The following SPOP variants were observed in gnomAD, a reference collection of about 807,000 sequenced individuals.
SPOP encodes the protein speckle type BTB/POZ protein.
A neutral mutation model predicts 45.6 loss-of-function variants in SPOP; 11 were observed. The observed-to-expected ratio is 0.24, with a 90% CI of 0.15 to 0.40. The LOEUF is 0.40. SPOP is among the 10% of genes least tolerant of loss of function. The pLI, the probability that SPOP is intolerant of heterozygous loss-of-function variation, is 1.00. For missense variants in SPOP, 152 were observed against 465.6 expected (o/e 0.33, Z 6.20); for synonymous variants, 166 against 166.3 (o/e 1.00, Z 0.01).
At chr17:49,641,589 C>T (rs964578184) in intron 1 of SPOP, among the ~76,000 whole-genome samples, 1 of 151,018 alleles carries the variant, frequency 6.6e-6, no homozygotes, top group Non-Finnish European at 1.5e-5. Flanking sequence ...AAAAAAAAAC[C>T]CAGAATGTTT....
At position 49,607,289 on chromosome 17, in the gene SPOP, G is replaced by C. The variant is rs765280957; in HGVS notation, c.798C>G (p.Leu266=). The part of the protein sequence containing the change: ...CFIYTGKAPN[L]DKMADDLLAA... ...CCAGCAAATCATCAGCCATTTTGTC[G>C]AGGTTTGGAGCCTTCCCCGTGTAAA... Residue 266 remains leucine, a synonymous_variant, in exon 8 of 10, where the codon CTC becomes CTG. Transcript: ENST00000504102. 2.2e-5 allele frequency: 35 copies of C among 1,613,848 alleles called. No individual in the cohort carries two copies. The highest frequency in any genetic ancestry group is 3.3e-5 in the Admixed American group (2 of 59,978).
intron 1 of SPOP, among the ~76,000 whole-genome samples, chr17:49,656,001 G>A (rs2072908268): frequency 6.6e-6 from 1 of 151,964 alleles, no homozygotes; most frequent in African/African-American, 2.4e-5. Context: ...TAGTAGAGAC[G>A]GGGTTTCTCC....
intron 1 of SPOP, among the ~76,000 whole-genome samples, chr17:49,655,504 C>G (rs575475612): frequency 6.6e-6 from 1 of 151,668 alleles, no homozygotes; most frequent in East Asian, 1.9e-4. Flanking sequence ...GAGCGAGACT[C>G]CGTCTCCAAA....
In SPOP at chr17:49,618,969, A is replaced by G. The variant is rs762189786; in HGVS notation, c.480+12T>C. On this transcript the variant is annotated intron_variant, in intron 5 of 9. Coordinates refer to ENST00000504102, the MANE Select transcript of SPOP (RefSeq NM_001007228.2). ...TGGGAACTGCTAGTCTCAGCAGAAT[A>G]CAAGGACTCACCTCGCAGAAGAGGG... 13 of 1,611,046 alleles carry G rather than the reference A, an allele frequency of 8.1e-6. No homozygotes were observed. The highest frequency in any genetic ancestry group is 5.1e-6 in the Non-Finnish European group (6 of 1,178,792).
chr17:49,627,050 C>A (rs1272341509), intron 1 of SPOP, among the ~76,000 whole-genome samples: 1 of 152,152 alleles, frequency 6.6e-6, no homozygotes, highest in African/African-American at 2.4e-5. Flanking sequence ...AGGGTTTCAC[C>A]ATGTTAGCCA....
chr17:49,599,492 T>C lies in SPOP; in HGVS notation c.*886A>G. The C allele has an allele frequency of 4.8e-6, 1 of 206,972 alleles. No individual in the cohort carries two copies. Among genetic ancestry groups the C allele is most frequent in the East Asian group, 6.9e-5 (1 of 14,420 alleles). The allele number at this position is 206,972 out of a possible 1,614,324, so 12.8% of individuals were successfully genotyped here. On this transcript the variant is annotated 3_prime_UTR_variant, in exon 10 of 10. Coordinates refer to ENST00000504102, the MANE Select transcript of SPOP (RefSeq NM_001007228.2). ...TTTCCTTCTCTCTTCTTTTGTTCTG[T>C]TTTTGTTTTGTGTGTTTTTTTTTTT... is the stretch of plus-strand genomic sequence containing the variant.
chr17:49,674,967 T>G (rs2073180967), intron 1 of SPOP, among the ~76,000 whole-genome samples: 1 of 152,204 alleles, frequency 6.6e-6, no homozygotes, highest in African/African-American at 2.4e-5. Context: ...CATAATGAGC[T>G]TTAAAATCTT....
intron 1 of SPOP, among the ~76,000 whole-genome samples, chr17:49,637,056 A>G (rs1254704439): frequency 6.6e-6 from 1 of 152,138 alleles, no homozygotes; most frequent in Non-Finnish European, 1.5e-5. Flanking sequence ...AACCAAAAAT[A>G]CAAAAAATTA....
intron 1 of SPOP, among the ~76,000 whole-genome samples, chr17:49,677,668 G>C (rs1454449374): frequency 6.6e-6 from 1 of 152,172 alleles, no homozygotes; most frequent in Non-Finnish European, 1.5e-5. Context: ...TTGGCAAGGG[G>C]GATGGGGCTG....
intron 1 of SPOP, among the ~76,000 whole-genome samples, chr17:49,630,092 C>T (rs142482516): frequency 3.3e-5 from 5 of 152,238 alleles, no homozygotes; most frequent in African/African-American, 7.2e-5. Flanking sequence ...TGTACAGTTT[C>T]CAAGTAAAGA....
At chr17:49,603,241 A>T (rs1048843437) in intron 8 of SPOP, among the ~76,000 whole-genome samples, 1 of 152,254 alleles carries the variant, frequency 6.6e-6, no homozygotes, top group Non-Finnish European at 1.5e-5. Context: ...ACTGGAAAAC[A>T]GTTTCCATGG....
chr17:49,674,002 C>T (rs1597991850), intron 1 of SPOP, among the ~76,000 whole-genome samples: 1 of 152,036 alleles, frequency 6.6e-6, no homozygotes, highest in African/African-American at 2.4e-5. Context: ...CAAAATTAGC[C>T]GGGCGTGGTG....
chr17:49,615,613 A>G (rs1370268863), intron 5 of SPOP, among the ~76,000 whole-genome samples: 1 of 152,156 alleles, frequency 6.6e-6, no homozygotes, highest in African/African-American at 2.4e-5. Flanking sequence ...TCCTGGGCTC[A>G]AGTGATCCTC....
intron 8 of SPOP, among the ~76,000 whole-genome samples, chr17:49,603,155 G>A (rs2071771276): frequency 6.6e-6 from 1 of 152,150 alleles, no homozygotes; most frequent in African/African-American, 2.4e-5. Context: ...CATATCTGCT[G>A]GCACTGTGAT....
rs536420606 is a variant in SPOP at position 49,635,924 on chromosome 17, G to A, written c.-66-13048C>T. Among the ~76,000 whole-genome samples, 32 of 151,688 alleles carry A rather than the reference G, an allele frequency of 2.1e-4. No individual in the cohort carries two copies. The East Asian group carries it at 5.1e-3, about 24-fold the overall frequency. On this transcript the variant is annotated intron_variant, in intron 1 of 9. Transcript: ENST00000504102. ...GCTGGGATTATAGGTGTGAGCCACC[G>A]CACCTGGTCCCAAGTATCTCTTTTT...
intron 1 of SPOP, among the ~76,000 whole-genome samples, chr17:49,640,455 G>A (rs896199241): frequency 2.0e-5 from 3 of 151,986 alleles, no homozygotes; most frequent in Admixed American, 6.6e-5. Context: ...TTTCTATTAC[G>A]TTCTTTGAAT....
At chr17:49,629,376 G>A (rs1372392994) in intron 1 of SPOP, among the ~76,000 whole-genome samples, 2 of 152,060 alleles carry the variant, frequency 1.3e-5, no homozygotes, top group African/African-American at 2.4e-5. Context: ...GATTTGCAAT[G>A]TAATGAGAAT....
chr17:49,656,219 G>A (rs1332542304), intron 1 of SPOP, among the ~76,000 whole-genome samples: 1 of 152,106 alleles, frequency 6.6e-6, no homozygotes, highest in Non-Finnish European at 1.5e-5. Flanking sequence ...CACAAAAGTT[G>A]CAACTAGTCT....
rs1223784509 is a variant in SPOP, at chr17:49,599,305, A to G, written c.*1073T>C. The stretch of plus-strand genomic sequence containing the variant: ...ACAGTACAAAATAGTAATTATTTAT[A>G]TTTTCAAAAAAAAAAAAATTAACAT... On this transcript the variant is annotated 3_prime_UTR_variant, in exon 10 of 10. Coordinates refer to ENST00000504102, the MANE Select transcript of SPOP (RefSeq NM_001007228.2). The G allele has an allele frequency of 9.1e-6, 2 of 220,552 alleles. No individual in the cohort carries two copies. Among genetic ancestry groups the G allele is most frequent in the African/African-American group, 2.3e-5 (1 of 44,390 alleles). The allele number at this position is 220,552 out of a possible 1,614,324, so 13.7% of individuals were successfully genotyped here.
Sources: allele counts gnomAD v4.1 joint callset (sites outside exome capture counted in the v4.1 genomes callset), GRCh38; gene constraint gnomAD v4.1.1; transcripts MANE v1.5; gene names NCBI Gene and HGNC (gene_info 2026-07-23, HGNC 2026-07-21).